Variants in ZNF57 observed in about 807,000 individuals in gnomAD.
ZNF57 encodes zinc finger protein 424.
In ZNF57, 11 loss-of-function variants were observed where a neutral mutation model predicts 13.4. That is an observed-to-expected ratio of 0.82 (90% CI 0.52 to 1.36). The LOEUF (loss-of-function observed/expected upper bound fraction) is 1.36. Ranked by LOEUF, ZNF57 falls within the 40% of genes most tolerant of loss-of-function variation. The probability of loss-of-function intolerance (pLI) is 0.00; values close to 1 mark genes in which losing one functional copy is unlikely to be tolerated. For missense variants in ZNF57, 696 were observed against 667.5 expected (o/e 1.04, Z -0.47); for synonymous variants, 224 against 238.5 (o/e 0.94, Z 0.56).
chr19:2,917,371 G>A lies in ZNF57; in HGVS notation c.750G>A (p.Arg250=). 6.2e-7 allele frequency: 1 copy of A among 1,614,148 alleles called. No individual in the cohort carries two copies. Reference sequence around the variant, plus strand: ...ATGTGAGAACTCACACAAAAGACAGGCCATATAAATGTCAGGAATGTGGGA... The same window carrying A: ...ATGTGAGAACTCACACAAAAGACAGACCATATAAATGTCAGGAATGTGGGA... ...TRHVRTHTKD[R]PYKCQECGRA... The change falls in exon 4 of 4, where the codon AGG becomes AGA. Residue 250 remains arginine, a synonymous_variant. Coordinates refer to ENST00000306908, the MANE Select transcript of ZNF57 (RefSeq NM_173480.3).
intron 1 of ZNF57, among the ~76,000 whole-genome samples, chr19:2,908,439 CATT>C (rs1170899733): frequency 7.0e-6 from 1 of 142,072 alleles, no homozygotes; most frequent in Non-Finnish European, 1.5e-5. Flanking sequence ...GTGCACATTT[CATT>C]GTTGTTGTTA....
In ZNF57 at chr19:2,918,420, C is replaced by G. The variant is rs1015220732; in HGVS notation, c.*131C>G. 7.1e-6 allele frequency: 7 copies of G among 979,632 alleles called. No individual in the cohort carries two copies. Among genetic ancestry groups the G allele is most frequent in the Non-Finnish European group, 1.0e-5 (7 of 682,054 alleles). The allele number at this position is 979,632 out of a possible 1,614,324, so 60.7% of individuals were successfully genotyped here. On this transcript the variant is annotated 3_prime_UTR_variant, in exon 4 of 4. Transcript: ENST00000306908. Reference sequence around the variant, plus strand: ...GTCAATACCTCATTTGTAAAACAGACCCATTAGTCGTGAATTTCCAGCTCT... The same window carrying G: ...GTCAATACCTCATTTGTAAAACAGAGCCATTAGTCGTGAATTTCCAGCTCT...
At chr19:2,915,702 A>C in intron 2 of ZNF57, 54 bp downstream of exon 2, 1 of 1,611,898 alleles carries the variant, frequency 6.2e-7, no homozygotes, top group Non-Finnish European at 8.5e-7. Flanking sequence ...TTTCTTTCTC[A>C]TCAGTTCTGT....
intron 1 of ZNF57, among the ~76,000 whole-genome samples, chr19:2,906,576 C>T (rs528568241): frequency 3.9e-5 from 6 of 152,310 alleles, no homozygotes; most frequent in South Asian, 2.1e-4. Context: ...TTGCCGAAAC[C>T]GCCCCCTCCC....
At chr19:2,905,773 A>ATT (rs2088070341) in intron 1 of ZNF57, among the ~76,000 whole-genome samples, 4 of 150,954 alleles carry the variant, frequency 2.6e-5, no homozygotes, top group Admixed American at 2.6e-4. Flanking sequence ...TCAAAAAAAA[A>ATT]AAAAAAAGAA....
intron 3 of ZNF57, chr19:2,916,669 T>C (rs1311635835): frequency 3.5e-6 from 1 of 288,400 alleles, no homozygotes; most frequent in African/African-American, 2.2e-5. Flanking sequence ...TGAGCTGAGA[T>C]TGCGCCACTG....
At chr19:2,901,686 A>T (rs2088031542) in intron 1 of ZNF57, among the ~76,000 whole-genome samples, 1 of 151,694 alleles carries the variant, frequency 6.6e-6, no homozygotes, top group East Asian at 1.9e-4. Flanking sequence ...ACGCCCGGCT[A>T]ATTTTTGTTT....
At chr19:2,902,891 C>A (rs960710111) in intron 1 of ZNF57, among the ~76,000 whole-genome samples, 5 of 152,260 alleles carry the variant, frequency 3.3e-5, no homozygotes, top group African/African-American at 9.6e-5. Flanking sequence ...TCTCACTCTA[C>A]GGGATGAGGG....
intron 1 of ZNF57, among the ~76,000 whole-genome samples, chr19:2,909,260 GATTTT>G (rs1258761551): frequency 1.2e-4 from 18 of 145,594 alleles, no homozygotes; most frequent in African/African-American, 3.5e-4. Context: ...CCTTATAATA[GATTTT>G]ATTTTATTTA....
At chr19:2,906,103 G>A (rs2088073232) in intron 1 of ZNF57, among the ~76,000 whole-genome samples, 1 of 152,154 alleles carries the variant, frequency 6.6e-6, no homozygotes, top group East Asian at 1.9e-4. Context: ...GCCCAGGCTG[G>A]AGTGCAGTGA....
Position 2,917,163 on chromosome 19 carries a change from C to G in ZNF57, c.542C>G (p.Ser181Ter). 2 of 1,614,158 alleles carry G rather than the reference C, an allele frequency of 1.2e-6. No individual in the cohort carries two copies. Residue 181 changes from serine to a stop codon, truncating the protein, a stop_gained, in exon 4 of 4, where the codon TCA becomes TGA. Transcript: ENST00000306908. LOFTEE classifies it low-confidence loss of function (END_TRUNC). ...TGTAAGCAGGCCTGCATTTGTCCCT[C>G]ACACCTACACAGTCACGGAAGAACT... The part of the protein sequence containing the change: ...EECKQACICP[S>*]HLHSHGRTDT...
At chr19:2,916,822 A>T in intron 3 of ZNF57, 102 bp from the exon 4 acceptor site, 1 of 1,027,988 alleles carries the variant, frequency 9.7e-7, no homozygotes, top group East Asian at 2.6e-5. Context: ...AACTTCACGT[A>T]TACTGAAATG....
chr19:2,908,218 A>G (rs577561311), intron 1 of ZNF57, among the ~76,000 whole-genome samples: 1 of 152,280 alleles, frequency 6.6e-6, no homozygotes, highest in Admixed American at 6.5e-5. Flanking sequence ...TATGTGCATA[A>G]TTCTTAGAAA....
At chr19:2,915,717 A>C in intron 2 of ZNF57, 69 bp downstream of exon 2, 1 of 1,609,834 alleles carries the variant, frequency 6.2e-7, no homozygotes, top group African/African-American at 1.3e-5. Flanking sequence ...TTCTGTTGCA[A>C]GATGTGAAAT....
chr19:2,911,780 T>TA (rs1326993726), intron 1 of ZNF57, among the ~76,000 whole-genome samples: 1 of 152,232 alleles, frequency 6.6e-6, no homozygotes, highest in African/African-American at 2.4e-5. Flanking sequence ...CCATTTCTGT[T>TA]ACAGTGCTTT....
At position 2,918,346 on chromosome 19, in the gene ZNF57, C is replaced by T. The variant is rs567187866; in HGVS notation, c.*57C>T. On this transcript the variant is annotated 3_prime_UTR_variant, in exon 4 of 4. Coordinates refer to ENST00000306908, the MANE Select transcript of ZNF57 (RefSeq NM_173480.3). Reference sequence around the variant, plus strand: ...TCACATTAATTCATGTATAATGCTCCAGAAAATTCACACCAGGAGAGAAAT... The same window carrying T: ...TCACATTAATTCATGTATAATGCTCTAGAAAATTCACACCAGGAGAGAAAT... 40 of 1,501,820 alleles carry T rather than the reference C, an allele frequency of 2.7e-5. No individual in the cohort carries two copies. The East Asian group carries it at 8.9e-4, about 33-fold the overall frequency. The allele number at this position is 1,501,820 out of a possible 1,614,324, so 93.0% of individuals were successfully genotyped here.
chr19:2,907,384 C>T (rs1383184324), intron 1 of ZNF57, among the ~76,000 whole-genome samples: 1 of 152,170 alleles, frequency 6.6e-6, no homozygotes, highest in Non-Finnish European at 1.5e-5. Flanking sequence ...GTCCCCGTGC[C>T]TGGCTCTTCC....
intron 1 of ZNF57, among the ~76,000 whole-genome samples, chr19:2,904,802 A>T (rs1287728810): frequency 6.6e-6 from 1 of 151,984 alleles, no homozygotes; most frequent in Non-Finnish European, 1.5e-5. Flanking sequence ...TCAGCCTCCC[A>T]AAGTGCTGGG....
chr19:2,904,324 G>C (rs2088055318), intron 1 of ZNF57, among the ~76,000 whole-genome samples: 1 of 152,148 alleles, frequency 6.6e-6, no homozygotes. Context: ...GTTAATTCAA[G>C]TGTGTTCATT....
Sources: gnomAD v4.1 joint callset for allele counts (sites outside exome capture counted in the v4.1 genomes callset) on GRCh38, gnomAD v4.1.1 for gene constraint, MANE v1.5 for transcripts, NCBI Gene and HGNC (gene_info 2026-07-23, HGNC 2026-07-21) for gene names.